Variants in MYO15B observed in about 807,000 individuals in gnomAD.
The protein encoded by MYO15B is myosin XVB.
A neutral mutation model predicts 119.3 loss-of-function variants in MYO15B; 207 were observed. The ratio of observed to expected loss-of-function variants is 1.73; its 90% CI spans 1.55 to 1.95. MYO15B has a LOEUF of 1.95. Among genes scored for constraint, MYO15B ranks in the 30% most tolerant of loss-of-function variants. The pLI is 0.00. For missense variants in MYO15B, 2,264 were observed against 1,203.1 expected (o/e 1.88, Z -13.04); for synonymous variants, 966 against 498.9 (o/e 1.94, Z -12.48).
At chr17:75,620,303 A>G in exon 48 of MYO15B, 1 of 702,928 alleles carries the variant, frequency 1.4e-6, no homozygotes, top group Non-Finnish European at 2.6e-6. Flanking sequence ...CAGCCTCCTC[A>G]GCTTCCACCG....
At chr17:75,615,940 A>C in intron 36 of MYO15B, 56 bp downstream of exon 36, 2 of 618,220 alleles carry the variant, frequency 3.2e-6, no homozygotes, top group South Asian at 1.9e-5. Context: ...CTGCAGGGGC[A>C]GGGGACATGG....
intron 19 of MYO15B, among the ~76,000 whole-genome samples, chr17:75,603,683 G>A (rs1215481524): frequency 6.7e-6 from 1 of 148,368 alleles, no homozygotes; most frequent in African/African-American, 2.5e-5. Context: ...TGGCAGGGGG[G>A]ACGGAGTGAG....
exon 41 of MYO15B, chr17:75,617,219 G>T: frequency 1.4e-6 from 1 of 698,498 alleles, no homozygotes; most frequent in East Asian, 2.7e-5. Flanking sequence ...GCCAGAAGCT[G>T]CCTATTGCCC....
In MYO15B at chr17:75,589,765, C is replaced by T; in HGVS notation, c.1708C>T (p.Pro570Ser). ...CTCTGAAGAAGCGTCCGCAGATGCC[C>T]CCACGGGGGAAGGCCGAGGTTGGCC... The change falls in exon 1 of 64, where the codon CCC becomes TCC. Residue 570 changes from proline (P) to serine (S), a missense_variant. Coordinates refer to ENST00000645453, the Ensembl canonical transcript of MYO15B. The surrounding 1 kb of genome is among the most constrained non-coding windows in gnomAD (Gnocchi z 4.2). The T allele has an allele frequency of 2.5e-6, 1 of 398,686 alleles. No homozygotes were observed. The allele number at this position is 398,686 out of a possible 1,614,324, so 24.7% of individuals were successfully genotyped here. A position where few individuals can be genotyped will look rare whatever the true frequency, so the allele number is the denominator to read the frequency against.
exon 14 of MYO15B, chr17:75,596,848 T>C (rs1434687641): frequency 4.3e-6 from 3 of 702,946 alleles, no homozygotes; most frequent in Middle Eastern, 2.3e-4. Context: ...TCCTGGTAGA[T>C]CAGCCCCACA....
chr17:75,593,507 A>T (rs1483234806), intron 9 of MYO15B, among the ~76,000 whole-genome samples: 2 of 151,932 alleles, frequency 1.3e-5, no homozygotes, highest in Non-Finnish European at 2.9e-5. Context: ...TACTTAGAGA[A>T]GCTGAGGCAG....
At chr17:75,609,615 G>A (rs767638457) in intron 21 of MYO15B, among the ~76,000 whole-genome samples, 6 of 143,914 alleles carry the variant, frequency 4.2e-5, no homozygotes, top group Non-Finnish European at 7.5e-5. Context: ...CAATTTACTC[G>A]TTCTCCTTCC....
intron 14 of MYO15B, among the ~76,000 whole-genome samples, chr17:75,599,114 T>C (rs1201672160): frequency 6.6e-6 from 1 of 152,160 alleles, no homozygotes; most frequent in Non-Finnish European, 1.5e-5. Context: ...CCCAGGCTGG[T>C]CTCAACCTCC....
At chr17:75,618,128 G>A (rs1302756542) in exon 43 of MYO15B, 5 of 703,264 alleles carry the variant, frequency 7.1e-6, no homozygotes, top group Non-Finnish European at 1.0e-5. Flanking sequence ...TCCTCCAGGT[G>A]TTCTACCCAC....
exon 27 of MYO15B, chr17:75,613,184 C>T (rs141055982): frequency 2.9e-6 from 2 of 700,010 alleles, no homozygotes; most frequent in Non-Finnish European, 5.2e-6. Context: ...TCCCCCACTG[C>T]CTGTCCTACA....
chr17:75,619,796 A>G, exon 46 of MYO15B: 1 of 702,848 alleles, frequency 1.4e-6, no homozygotes. Context: ...CTCTGCTCAT[A>G]CAGGTGCGCT....
At chr17:75,594,941 C>T in exon 12 of MYO15B, 1 of 703,056 alleles carries the variant, frequency 1.4e-6, no homozygotes, top group Non-Finnish European at 2.6e-6. Flanking sequence ...AGCATTGGCA[C>T]CGTCACTGTC....
exon 59 of MYO15B, chr17:75,624,830 G>A: frequency 2.8e-6 from 2 of 703,012 alleles, no homozygotes; most frequent in Middle Eastern, 2.3e-4. Flanking sequence ...AGTGGACCAG[G>A]ACGTGAGCCT....
chr17:75,617,106 A>G (rs1290104600), exon 41 of MYO15B: 1 of 676,762 alleles, frequency 1.5e-6, no homozygotes, highest in Non-Finnish European at 2.7e-6. Context: ...CAGCCCAGGA[A>G]AGGGCCCCCC....
chr17:75,599,156 T>C (rs1316760967), intron 14 of MYO15B, among the ~76,000 whole-genome samples: 1 of 152,184 alleles, frequency 6.6e-6, no homozygotes, highest in Non-Finnish European at 1.5e-5. Flanking sequence ...CCGTTGCCTC[T>C]CAAAGTGCTG....
chr17:75,600,944 C>T (rs898183806), intron 14 of MYO15B, among the ~76,000 whole-genome samples: 6 of 144,872 alleles, frequency 4.1e-5, no homozygotes, highest in African/African-American at 1.6e-4. Flanking sequence ...CGCACTGTCA[C>T]CCAGGCTGTA....
intron 53 of MYO15B, among the ~76,000 whole-genome samples, chr17:75,622,581 C>T (rs762246987): frequency 6.6e-6 from 1 of 152,158 alleles, no homozygotes; most frequent in Non-Finnish European, 1.5e-5. Flanking sequence ...TGGGAAACCA[C>T]CAGAGGATTC....
At chr17:75,623,740 G>A (rs1487363460) in intron 53 of MYO15B, 41 bp from the exon 54 acceptor site, 3 of 702,098 alleles carry the variant, frequency 4.3e-6, no homozygotes, top group South Asian at 1.5e-5. Flanking sequence ...CAGGCTCACC[G>A]CTGCCATCCC....
intron 35 of MYO15B, 28 bp downstream of exon 35, chr17:75,615,628 C>T: frequency 2.9e-6 from 2 of 679,064 alleles, no homozygotes; most frequent in Non-Finnish European, 5.4e-6. Context: ...CCTGGGGCCA[C>T]CTGGTGGAGG....
Sources: gnomAD v4.1 joint callset for allele counts (sites outside exome capture counted in the v4.1 genomes callset) on GRCh38, gnomAD v4.1.1 for gene constraint, Gnocchi (gnomAD v3.1) non-coding constraint, MANE v1.5 for transcripts, NCBI Gene and HGNC (gene_info 2026-07-23, HGNC 2026-07-21) for gene names.